Variants in SLC35D2 observed in about 807,000 individuals in gnomAD.
SLC35D2 encodes nucleotide sugar transporter SLC35D2.
Under a neutral mutation model 41.8 loss-of-function variants are expected in SLC35D2, and 43 were observed. The observed-to-expected ratio is 1.03, with a 90% CI of 0.81 to 1.33. The LOEUF (loss-of-function observed/expected upper bound fraction) is 1.33, where lower values mean the gene tolerates loss of function less well. SLC35D2 is among the 40% of genes most tolerant of loss of function. The pLI is 0.00. For missense variants in SLC35D2, 380 were observed against 408.4 expected, an observed-to-expected ratio of 0.93 and a Z score of 0.60; for synonymous variants, 150 against 163.9, an observed-to-expected ratio of 0.92 and a Z score of 0.65.
intron 9 of SLC35D2, among the ~76,000 whole-genome samples, chr9:96,325,762 G>GGTTA (rs2130842442): frequency 6.6e-6 from 1 of 152,224 alleles, no homozygotes; most frequent in Non-Finnish European, 1.5e-5. Context: ...CTAGCAAAGG[G>GGTTA]GTTAGTGCAC....
At chr9:96,345,206 A>T in intron 7 of SLC35D2, 93 bp downstream of exon 7, 1 of 650,982 alleles carries the variant, frequency 1.5e-6, no homozygotes, top group Non-Finnish European at 2.7e-6. Flanking sequence ...TATAAATTAA[A>T]TTACATTCCA....
Position 96,321,090 on chromosome 9 carries a change from C to A in SLC35D2, c.*152G>T. The A allele has an allele frequency of 1.7e-6, 1 of 600,164 alleles. No individual in the cohort carries two copies. The highest frequency in any genetic ancestry group is 3.0e-6 in the Non-Finnish European group (1 of 338,370). 37.2% of individuals were successfully genotyped at this position (600,164 alleles called of 1,614,324 possible). ...TTGAGACTGCCATTGGCTCATCCTG[C>A]ATATGAGGTAGTTCTCTTTGCATTT... On this transcript the variant is annotated 3_prime_UTR_variant, in exon 12 of 12. Transcript: ENST00000253270.
chr9:96,323,105 A>G (rs1281837767), intron 10 of SLC35D2, among the ~76,000 whole-genome samples: 1 of 148,286 alleles, frequency 6.7e-6, no homozygotes, highest in Non-Finnish European at 1.5e-5. Flanking sequence ...TGAGTTAATT[A>G]TCTTGATCGT....
intron 6 of SLC35D2, among the ~76,000 whole-genome samples, chr9:96,347,072 G>A (rs1829612198): frequency 6.6e-6 from 1 of 152,214 alleles, no homozygotes; most frequent in African/African-American, 2.4e-5. Context: ...GGAGGCAGAG[G>A]TTGTGGTGAG....
chr9:96,382,583 G>A (rs901065633), intron 1 of SLC35D2, among the ~76,000 whole-genome samples: 2 of 149,930 alleles, frequency 1.3e-5, no homozygotes, highest in African/African-American at 2.5e-5. Flanking sequence ...CTCAGCTTTC[G>A]TATTTTATAT....
At chr9:96,372,914 T>G (rs1830773011) in intron 1 of SLC35D2, among the ~76,000 whole-genome samples, 1 of 151,154 alleles carries the variant, frequency 6.6e-6, no homozygotes, top group Admixed American at 6.6e-5. Context: ...TTTGTTTTTT[T>G]TTTTTGAGAC....
chr9:96,337,122 T>C (rs1829083013), intron 8 of SLC35D2, among the ~76,000 whole-genome samples: 2 of 152,228 alleles, frequency 1.3e-5, no homozygotes, highest in African/African-American at 4.8e-5. Flanking sequence ...TTCACTGACT[T>C]TATACACCTT....
intron 3 of SLC35D2, among the ~76,000 whole-genome samples, chr9:96,361,704 AAAC>A (rs1183682054): frequency 1.3e-5 from 2 of 152,148 alleles, no homozygotes; most frequent in African/African-American, 4.8e-5. Context: ...AAAAAAATGA[AAAC>A]AAAAACAGAA....
chr9:96,319,516 T>A (rs80278956), downstream of SLC35D2, among the ~76,000 whole-genome samples: 1 of 147,620 alleles, frequency 6.8e-6, no homozygotes. Flanking sequence ...AAAAAAAAAG[T>A]TTTTTTTGAG....
At chr9:96,334,665 T>C (rs1828970626) in intron 9 of SLC35D2, among the ~76,000 whole-genome samples, 1 of 151,846 alleles carries the variant, frequency 6.6e-6, no homozygotes, top group African/African-American at 2.4e-5. Flanking sequence ...TTAAGCAAAA[T>C]GCTCACAATC....
Position 96,351,111 on chromosome 9 carries a change from T to TA in SLC35D2, c.479dup (p.Ala161SerfsTer5), listed in dbSNP as rs1461402618. The TA allele has an allele frequency of 6.2e-7, 1 of 1,611,048 alleles. No individual in the cohort carries two copies. Among genetic ancestry groups the TA allele is most frequent in the Non-Finnish European group, 8.5e-7 (1 of 1,177,360 alleles). ...ACAGTCCAAAGTCTTACCCAGCTGC[T>TA]ATGAAAGCCCCGAGAATAATGGCAA... On this transcript the variant is annotated frameshift_variant, in exon 6 of 12. Coordinates refer to ENST00000253270, the MANE Select transcript of SLC35D2 (RefSeq NM_007001.3). LOFTEE classifies it high-confidence loss of function.
chr9:96,368,953 C>T (rs1445416161), intron 1 of SLC35D2, among the ~76,000 whole-genome samples: 2 of 151,958 alleles, frequency 1.3e-5, no homozygotes, highest in Non-Finnish European at 2.9e-5. Context: ...TTAGTAGAAA[C>T]GGAGTTTCAT....
rs767307966 is a variant in SLC35D2 at position 96,343,892 on chromosome 9, T to C, written c.684+12A>G. The stretch of plus-strand genomic sequence containing the variant: ...CAGCTAAGGAAAACTGTAATGATTG[T>C]CATCAGCTCACCTGTTGCAGGTCTC... On this transcript the variant is annotated intron_variant, in intron 8 of 11. Coordinates refer to ENST00000253270, the MANE Select transcript of SLC35D2 (RefSeq NM_007001.3). The C allele has an allele frequency of 2.0e-6, 3 of 1,493,912 alleles. 1 individual carries two copies. The East Asian group carries it at 7.4e-5, about 37-fold the overall frequency. The allele number at this position is 1,493,912 out of a possible 1,614,324, so 92.5% of individuals were successfully genotyped here. A position where few individuals can be genotyped will look rare whatever the true frequency, so the allele number is the denominator to read the frequency against.
intron 8 of SLC35D2, among the ~76,000 whole-genome samples, chr9:96,337,633 C>G (rs1478655383): frequency 1.3e-5 from 2 of 152,118 alleles, no homozygotes; most frequent in East Asian, 3.8e-4. Flanking sequence ...TTATTTGCTA[C>G]TTATAAAGCA....
At chr9:96,352,470 C>G (rs556220896) in intron 4 of SLC35D2, among the ~76,000 whole-genome samples, 1 of 151,914 alleles carries the variant, frequency 6.6e-6, no homozygotes, top group Admixed American at 6.6e-5. Context: ...TACAGGCATG[C>G]GCCACAACAC....
chr9:96,351,107 C>G lies in SLC35D2; in HGVS notation c.484G>C (p.Ala162Pro). ...AGAAACAGTCCAAAGTCTTACCCAGCTGCTATGAAAGCCCCGAGAATAATG... is the reference window on the plus strand; with the variant it reads ...AGAAACAGTCCAAAGTCTTACCCAGGTGCTATGAAAGCCCCGAGAATAATG... The part of the protein sequence containing the change: ...FAIILGAFIA[A>P]GSDLAFNLEG... Residue 162 changes from alanine (A) to proline (P), a missense_variant, in exon 6 of 12, where the codon GCT becomes CCT. By Grantham distance (27) the Ala-to-Pro change is conservative. Transcript: ENST00000253270. The G allele has an allele frequency of 6.2e-7, 1 of 1,610,146 alleles. No homozygotes were observed. Among genetic ancestry groups the G allele is most frequent in the African/African-American group, 1.3e-5 (1 of 74,940 alleles).
intron 10 of SLC35D2, among the ~76,000 whole-genome samples, chr9:96,322,717 G>GTTATTTTT (rs1828300528): frequency 9.0e-6 from 1 of 111,406 alleles, no homozygotes; most frequent in Non-Finnish European, 1.7e-5. Context: ...GTTTTCTGGG[G>GTTATTTTT]TTTTTTTTTT....
chr9:96,314,260 A>AT (rs1827998164), exon 12 of SLC35D2: 1 of 152,282 alleles, frequency 6.6e-6, no homozygotes, highest in Admixed American at 6.5e-5. Context: ...TCAAAAAAAA[A>AT]GATTTTTAAA....
intron 6 of SLC35D2, among the ~76,000 whole-genome samples, chr9:96,346,353 G>A (rs1212195438): frequency 1.3e-5 from 2 of 152,212 alleles, no homozygotes; most frequent in East Asian, 3.8e-4. Flanking sequence ...TTGTTAGAAA[G>A]TAACTAGGAA....
Sources: gnomAD v4.1 joint callset for allele counts (sites outside exome capture counted in the v4.1 genomes callset) on GRCh38, gnomAD v4.1.1 for gene constraint, MANE v1.5 for transcripts, NCBI Gene and HGNC (gene_info 2026-07-23, HGNC 2026-07-21) for gene names.